The following NR5A2 variants were observed in gnomAD, a reference collection of about 807,000 sequenced individuals.
The protein encoded by NR5A2 is CYP7A promoter-binding factor.
Under a neutral mutation model 62.7 loss-of-function variants are expected in NR5A2, and 26 were observed. The ratio of observed to expected loss-of-function variants is 0.41; its 90% CI spans 0.30 to 0.58. NR5A2 has a LOEUF of 0.58. Among genes scored for constraint, NR5A2 ranks in the 20% least tolerant of loss-of-function variants. The pLI is 0.22. For synonymous variants in NR5A2, 246 were observed against 241.7 expected (o/e 1.02, Z -0.16); for missense variants, 541 against 669.1 (o/e 0.81, Z 2.11).
intron 5 of NR5A2, among the ~76,000 whole-genome samples, chr1:200,092,433 C>T (rs1165428707): frequency 6.6e-6 from 1 of 152,108 alleles, no homozygotes; most frequent in Non-Finnish European, 1.5e-5. Context: ...TACCACTAGG[C>T]AAAGGTCACA....
chr1:200,057,424 A>G (rs1288798044), intron 5 of NR5A2: 1 of 218,094 alleles, frequency 4.6e-6, no homozygotes, highest in Non-Finnish European at 9.3e-6. Flanking sequence ...TCCGTCAGTC[A>G]TAATGACTCA....
intron 7 of NR5A2, among the ~76,000 whole-genome samples, chr1:200,173,187 G>A (rs567293672): frequency 1.3e-5 from 2 of 152,256 alleles, no homozygotes; most frequent in South Asian, 4.2e-4. Flanking sequence ...TCAGGAGTTA[G>A]GCGGAATGAA....
At chr1:200,078,729 C>T (rs1664153977) in intron 5 of NR5A2, among the ~76,000 whole-genome samples, 1 of 152,024 alleles carries the variant, frequency 6.6e-6, no homozygotes, top group Non-Finnish European at 1.5e-5. Context: ...TCATTAGATC[C>T]TTTATTTACT....
intron 5 of NR5A2, among the ~76,000 whole-genome samples, chr1:200,081,810 C>T (rs1664306446): frequency 1.3e-5 from 2 of 149,300 alleles, no homozygotes; most frequent in South Asian, 4.2e-4. Context: ...ATACTTAGCA[C>T]TCTGTTTGTT....
chr1:200,039,918 C>A lies in NR5A2; in HGVS notation c.202+123C>A. Reference sequence around the variant, plus strand: ...TAGCCCCGCTGGGCGCTCGCAGCCGCGGGAGTCAAGCCCCCTCCCCAGGTG... The same window carrying A: ...TAGCCCCGCTGGGCGCTCGCAGCCGAGGGAGTCAAGCCCCCTCCCCAGGTG... On this transcript the variant is annotated intron_variant, in intron 2 of 7. Coordinates refer to ENST00000367362, the MANE Select transcript of NR5A2 (RefSeq NM_205860.3). This position sits in a 1 kb window ranked among gnomAD's most constrained non-coding sequence, Gnocchi z 5.1. 9.0e-7 allele frequency: 1 copy of A among 1,116,668 alleles called. No individual in the cohort carries two copies. The highest frequency in any genetic ancestry group is 1.2e-6 in the Non-Finnish European group (1 of 825,522). 69.2% of individuals were successfully genotyped at this position (1,116,668 alleles called of 1,614,324 possible).
chr1:200,170,244 T>C (rs1024776837), intron 7 of NR5A2, among the ~76,000 whole-genome samples: 14 of 152,278 alleles, frequency 9.2e-5, no homozygotes, highest in Admixed American at 8.5e-4. Flanking sequence ...TGGAGGGACA[T>C]TCCAGAGAAA....
intron 5 of NR5A2, among the ~76,000 whole-genome samples, chr1:200,077,542 C>T (rs1165749675): frequency 1.3e-5 from 2 of 152,102 alleles, no homozygotes; most frequent in Admixed American, 1.3e-4. Flanking sequence ...AGTGAAACCT[C>T]GTCTCTGCTA....
intron 5 of NR5A2, among the ~76,000 whole-genome samples, chr1:200,097,512 A>AACTT (rs1434658059): frequency 6.6e-6 from 1 of 152,252 alleles, no homozygotes; most frequent in Non-Finnish European, 1.5e-5. Context: ...ACCTTTGGGG[A>AACTT]ACTTATATTT....
chr1:200,066,284 T>C (rs1459007330), intron 5 of NR5A2, among the ~76,000 whole-genome samples: 2 of 152,110 alleles, frequency 1.3e-5, no homozygotes, highest in East Asian at 3.8e-4. Context: ...TGAGAGAAGA[T>C]GAGGCAGGCA....
intron 7 of NR5A2, among the ~76,000 whole-genome samples, chr1:200,137,596 A>G (rs77411193): frequency 0.015 from 2,229 of 152,306 alleles, 57 homozygotes; most frequent in African/African-American, 0.051. Flanking sequence ...TTATTAGCAG[A>G]TTCTCCCTTT....
intron 5 of NR5A2, among the ~76,000 whole-genome samples, chr1:200,081,350 C>T (rs562913481): frequency 6.6e-6 from 1 of 152,318 alleles, no homozygotes; most frequent in Admixed American, 6.5e-5. Flanking sequence ...AGTCCTATTT[C>T]CCTTCCTCTG....
At chr1:200,081,759 T>C (rs966945570) in intron 5 of NR5A2, among the ~76,000 whole-genome samples, 1 of 142,742 alleles carries the variant, frequency 7.0e-6, no homozygotes, top group Non-Finnish European at 1.5e-5. Flanking sequence ...ACCTGAAACA[T>C]AGTCTACCTT....
rs746910295 is a variant in NR5A2 at position 200,039,768 on chromosome 1, C to A, written c.175C>A (p.Gln59Lys). The A allele has an allele frequency of 6.2e-7, 1 of 1,609,246 alleles. No individual in the cohort carries two copies. The highest frequency in any genetic ancestry group is 8.5e-7 in the Non-Finnish European group (1 of 1,178,018). ...ALGLARSHGE[Q>K]GQMPENMQVS... ...GGGACTGGCTCGATCGCATGGGGAA[C>A]AGGGCCAGATGCCGGAAAACATGCA... The change falls in exon 2 of 8, where the codon CAG (glutamine) becomes AAG (lysine). Residue 59 changes from glutamine to lysine, a missense_variant. Coordinates refer to ENST00000367362, the MANE Select transcript of NR5A2 (RefSeq NM_205860.3). The surrounding 1 kb of genome is among the most constrained non-coding windows in gnomAD (Gnocchi z 5.1).
chr1:200,080,822 C>T (rs369311835), intron 5 of NR5A2, among the ~76,000 whole-genome samples: 6 of 152,174 alleles, frequency 3.9e-5, no homozygotes, highest in Admixed American at 3.9e-4. Flanking sequence ...TGAGAGGCAA[C>T]AAATTGCAAA....
intron 5 of NR5A2, among the ~76,000 whole-genome samples, chr1:200,082,005 G>C (rs976120357): frequency 6.6e-6 from 1 of 152,096 alleles, no homozygotes; most frequent in Non-Finnish European, 1.5e-5. Context: ...ATTTGTCACT[G>C]TTTGTCAGCA....
rs1465628274 is a variant in NR5A2, at chr1:200,174,060, G to A, written c.1476G>A (p.Gln492=). The A allele has an allele frequency of 2.5e-6, 4 of 1,612,920 alleles. No homozygotes were observed. The African/African-American group carries it at 5.4e-5, about 22-fold the overall frequency. ...ACACAATGTGTAACTACCCGCAGCAGACAGAGAAATTTGGACAGCTACTTC... is the reference window on the plus strand; with the variant it reads ...ACACAATGTGTAACTACCCGCAGCAAACAGAGAAATTTGGACAGCTACTTC... ...LDYTMCNYPQ[Q]TEKFGQLLLR... is the part of the protein sequence containing the mutation. Residue 492 remains glutamine, a synonymous_variant, in exon 8 of 8, where the codon CAG becomes CAA. Transcript: ENST00000367362.
In NR5A2 at chr1:200,147,779, TGCCGGCACG is replaced by T; in HGVS notation, c.1379-26182_1379-26174del. On this transcript the variant is annotated intron_variant, in intron 7 of 7. Coordinates refer to ENST00000367362, the MANE Select transcript of NR5A2 (RefSeq NM_205860.3). The surrounding 1 kb of genome is among the most constrained non-coding windows in gnomAD (Gnocchi z 4.9). ...ATGCCGGCGCGAATGCCGGCACGGA[TGCCGGCACG>T]GTGGGCAGCCGCCGTGGCGTCCAGC... is the stretch of plus-strand genomic sequence containing the variant. 3.0e-6 allele frequency: 1 copy of T among 330,372 alleles called. No homozygotes were observed. Among genetic ancestry groups the T allele is most frequent in the Non-Finnish European group, 5.9e-6 (1 of 170,502 alleles). 20.5% of individuals were successfully genotyped at this position (330,372 alleles called of 1,614,324 possible).
chr1:200,102,207 T>C (rs888050933), intron 5 of NR5A2, among the ~76,000 whole-genome samples: 34 of 152,226 alleles, frequency 2.2e-4, no homozygotes, highest in African/African-American at 7.7e-4. Flanking sequence ...CATTGCACTT[T>C]GAAAGAATTT....
chr1:200,160,681 C>G (rs1383165011), intron 7 of NR5A2, among the ~76,000 whole-genome samples: 1 of 151,674 alleles, frequency 6.6e-6, no homozygotes, highest in Non-Finnish European at 1.5e-5. Flanking sequence ...ATACCTGAGG[C>G]AGTTTTCCTC....
Sources: gnomAD v4.1 joint callset for allele counts (sites outside exome capture counted in the v4.1 genomes callset) on GRCh38, gnomAD v4.1.1 for gene constraint, Gnocchi (gnomAD v3.1) non-coding constraint, MANE v1.5 for transcripts, NCBI Gene and HGNC (gene_info 2026-07-23, HGNC 2026-07-21) for gene names.